The following SLC4A7 variants were observed in gnomAD, a reference collection of about 807,000 sequenced individuals.
The protein encoded by SLC4A7 is sodium bicarbonate cotransporter 3.
In SLC4A7, 51 loss-of-function variants were observed where a neutral mutation model predicts 137.6. The ratio of observed to expected loss-of-function variants is 0.37; its 90% CI spans 0.30 to 0.47. SLC4A7 has a LOEUF of 0.47. SLC4A7 is among the 20% of genes least tolerant of loss of function. The pLI, the probability that SLC4A7 is intolerant of heterozygous loss-of-function variation, is 1.00. For missense variants in SLC4A7, 1,247 were observed against 1,525.4 expected (o/e 0.82, Z 3.04); for synonymous variants, 542 against 518.6 (o/e 1.05, Z -0.61).
At chr3:27,416,228 T>G (rs2054374286) in intron 11 of SLC4A7, among the ~76,000 whole-genome samples, 1 of 152,166 alleles carries the variant, frequency 6.6e-6, no homozygotes, top group Admixed American at 6.5e-5. Flanking sequence ...CACACAGCAT[T>G]TTACGCATGT....
intron 11 of SLC4A7, among the ~76,000 whole-genome samples, chr3:27,416,022 G>A (rs2054348277): frequency 6.6e-6 from 1 of 152,090 alleles, no homozygotes; most frequent in African/African-American, 2.4e-5. Context: ...TCTTACATTT[G>A]TATGACTTTT....
At position 27,464,953 on chromosome 3, in the gene SLC4A7, C is replaced by T. The variant is rs547484976; in HGVS notation, c.61-12455G>A. ...CTTTGCTGTGTTGTTCTTTCTTTTT[C>T]GCCCAATAAATTCGTAACCCCTCAC... On this transcript the variant is annotated intron_variant, in intron 1 of 25. Transcript: ENST00000454389. 2.4e-4 allele frequency among the ~76,000 whole-genome samples: 37 copies of T among 152,154 alleles called. 1 individual carries two copies. The highest frequency in any genetic ancestry group is 8.7e-4 in the African/African-American group (36 of 41,522).
chr3:27,420,592 A>G (rs962957440), intron 10 of SLC4A7, 108 bp downstream of exon 10: 2 of 638,360 alleles, frequency 3.1e-6, no homozygotes, highest in Non-Finnish European at 5.0e-6. Context: ...CACAGCAAGG[A>G]AAAGTTTTAG....
chr3:27,390,425 T>C (rs1004328350), intron 21 of SLC4A7: 1 of 192,996 alleles, frequency 5.2e-6, no homozygotes, highest in Admixed American at 5.7e-5. Flanking sequence ...AAGTCATTTA[T>C]CTCTTTGTTT....
At chr3:27,393,631 C>CA (rs1239625898) in intron 20 of SLC4A7, among the ~76,000 whole-genome samples, 47 of 152,310 alleles carry the variant, frequency 3.1e-4, no homozygotes, top group African/African-American at 1.1e-3. Context: ...GCAGGCAACT[C>CA]ACACTGCTTA....
chr3:27,442,330 A>C (rs2150453789), intron 3 of SLC4A7, among the ~76,000 whole-genome samples: 1 of 152,246 alleles, frequency 6.6e-6, no homozygotes, highest in East Asian at 1.9e-4. Context: ...ACACAGACTA[A>C]CCTATTAATC....
Position 27,484,309 on chromosome 3 carries a change from G to A in SLC4A7, c.-183C>T. ...GCCGGGCGCGGGAGACGCGGGGCGT[G>A]CGTGTGCGCGCTGCGACTGCTGGGC... On this transcript the variant is annotated 5_prime_UTR_variant, in exon 1 of 26. Transcript: ENST00000454389. 2.7e-6 allele frequency: 1 copy of A among 374,368 alleles called. No individual in the cohort carries two copies. 23.2% of individuals were successfully genotyped at this position (374,368 alleles called of 1,614,324 possible).
chr3:27,442,950 T>C (rs1417522058), intron 3 of SLC4A7, among the ~76,000 whole-genome samples: 4 of 151,854 alleles, frequency 2.6e-5, no homozygotes, highest in African/African-American at 9.7e-5. Context: ...GTAGATTGTC[T>C]TGGGAGCCGT....
Position 27,484,175 on chromosome 3 carries a change from T to G in SLC4A7, c.-49A>C. On this transcript the variant is annotated 5_prime_UTR_variant, in exon 1 of 26. Transcript: ENST00000454389. Reference sequence around the variant, plus strand: ...GCCGCTACGGTACTGCCCCGCGCGGTCTGCCTGCTTCTGCCGCTGCCCCTG... The same window carrying G: ...GCCGCTACGGTACTGCCCCGCGCGGGCTGCCTGCTTCTGCCGCTGCCCCTG... The G allele has an allele frequency of 8.1e-7, 1 of 1,227,080 alleles. No homozygotes were observed. The highest frequency in any genetic ancestry group is 1.0e-6 in the Non-Finnish European group (1 of 977,492). 76.0% of individuals were successfully genotyped at this position (1,227,080 alleles called of 1,614,324 possible).
At position 27,484,123 on chromosome 3, in the gene SLC4A7, C is replaced by A. The variant is rs1161185480; in HGVS notation, c.4G>T (p.Glu2Ter). The A allele has an allele frequency of 1.4e-6, 2 of 1,383,536 alleles. No homozygotes were observed. The highest frequency in any genetic ancestry group is 1.9e-6 in the Non-Finnish European group (2 of 1,063,850). 85.7% of individuals were successfully genotyped at this position (1,383,536 alleles called of 1,614,324 possible). M[E>*]ADGAGEQMRP... ...ATCTGCTCGCCGGCCCCATCAGCCT[C>A]CATGGCCGGCCGGCCAGCCCGTGAC... Residue 2 changes from glutamate (E) to a stop codon, truncating the protein, a stop_gained, in exon 1 of 26, where the codon GAG becomes TAG. Transcript: ENST00000454389. LOFTEE classifies it high-confidence loss of function.
chr3:27,407,821 T>C (rs987816047), intron 13 of SLC4A7, among the ~76,000 whole-genome samples: 2 of 152,084 alleles, frequency 1.3e-5, no homozygotes, highest in African/African-American at 4.8e-5. Context: ...CTTCTCTCCC[T>C]GTAAATTATC....
chr3:27,436,466 G>C lies in SLC4A7; in HGVS notation c.511C>G (p.Leu171Val), dbSNP rs1559762851. The change falls in exon 5 of 26, where the codon CTT becomes GTT. Residue 171 changes from leucine to valine, a missense_variant. Coordinates refer to ENST00000454389, the MANE Select transcript of SLC4A7 (RefSeq NM_001321103.2). ...PYVATLSLHS[L>V]FELRSCILNG... ...AGGATGCAACTCCTTAGTTCAAAAA[G>C]ACTGTGCAAAGAGAGAGTTGCCACA... 2 of 1,613,436 alleles carry C rather than the reference G, an allele frequency of 1.2e-6. No homozygotes were observed. Among genetic ancestry groups the C allele is most frequent in the Non-Finnish European group, 1.7e-6 (2 of 1,179,494 alleles).
chr3:27,394,154 C>T (rs1375196252), intron 20 of SLC4A7, among the ~76,000 whole-genome samples: 1 of 149,208 alleles, frequency 6.7e-6, no homozygotes, highest in African/African-American at 2.5e-5. Flanking sequence ...GAGCAGCTGG[C>T]ACCACGGGAG....
At chr3:27,451,815 T>C (rs1270712079) in intron 2 of SLC4A7, among the ~76,000 whole-genome samples, 2 of 152,114 alleles carry the variant, frequency 1.3e-5, no homozygotes, top group Admixed American at 6.5e-5. Context: ...TTTACACAAA[T>C]GTATGATGGC....
Position 27,421,624 on chromosome 3 carries a change from G to A in SLC4A7, c.1422C>T (p.Thr474=). Residue 474 remains threonine (T), a splice_region_variant and synonymous_variant, in exon 9 of 26, where the codon ACC becomes ACT. Coordinates refer to ENST00000454389, the MANE Select transcript of SLC4A7 (RefSeq NM_001321103.2). ...LTGLTEVPVP[T]RFLFLLLGPA... The stretch of plus-strand genomic sequence containing the variant: ...GTTACTTGGAACTAACTCTTTACCT[G>A]GTTGGAACAGGGACCTCAGTCAACC... The A allele has an allele frequency of 6.2e-7, 1 of 1,610,054 alleles. No homozygotes were observed. Among genetic ancestry groups the A allele is most frequent in the Non-Finnish European group, 8.5e-7 (1 of 1,177,954 alleles).
intron 10 of SLC4A7, among the ~76,000 whole-genome samples, chr3:27,419,959 C>T (rs1485688613): frequency 6.6e-6 from 1 of 151,936 alleles, no homozygotes; most frequent in Non-Finnish European, 1.5e-5. Context: ...GAGGCCGAGG[C>T]GGGCAGATCA....
At chr3:27,426,611 G>A (rs2055653922) in intron 7 of SLC4A7, among the ~76,000 whole-genome samples, 1 of 152,160 alleles carries the variant, frequency 6.6e-6, no homozygotes, top group African/African-American at 2.4e-5. Flanking sequence ...AGACTCTAAG[G>A]AAAAGTAAGG....
intron 6 of SLC4A7, among the ~76,000 whole-genome samples, chr3:27,432,597 C>G (rs1455022960): frequency 2.0e-5 from 3 of 152,160 alleles, no homozygotes; most frequent in Admixed American, 2.0e-4. Context: ...ATCAAAGTTA[C>G]ATGCTCAAGA....
At chr3:27,417,305 A>C (rs974091785) in intron 11 of SLC4A7, among the ~76,000 whole-genome samples, 5 of 152,224 alleles carry the variant, frequency 3.3e-5, no homozygotes, top group Non-Finnish European at 7.3e-5. Flanking sequence ...CCATACTCAC[A>C]TAAAATACGC....
Sources: allele counts gnomAD v4.1 joint callset (sites outside exome capture counted in the v4.1 genomes callset), GRCh38; gene constraint gnomAD v4.1.1; transcripts MANE v1.5; gene names NCBI Gene and HGNC (gene_info 2026-07-23, HGNC 2026-07-21).